CLEC9A: variants seen among roughly 807,000 people sequenced by gnomAD.
CLEC9A encodes the protein C-type lectin domain family 9 member A.
In CLEC9A, 24 loss-of-function variants were observed where a neutral mutation model predicts 30.0. That is an observed-to-expected ratio of 0.80 (90% CI 0.58 to 1.13). The LOEUF (loss-of-function observed/expected upper bound fraction) is 1.13, where lower values mean the gene tolerates loss of function less well. Ranked by LOEUF, CLEC9A falls within the 50% of genes most tolerant of loss-of-function variation. The pLI, the probability that CLEC9A is intolerant of heterozygous loss-of-function variation, is 0.00. For synonymous variants in CLEC9A, 111 were observed against 96.8 expected, an observed-to-expected ratio of 1.15 and a Z score of -0.86; for missense variants, 251 against 280.9, an observed-to-expected ratio of 0.89 and a Z score of 0.76.
Position 10,052,628 on chromosome 12 carries a change from A to G in CLEC9A, c.-58-2A>G. On this transcript the variant is annotated splice_acceptor_variant, in intron 3 of 8. Coordinates refer to ENST00000355819, the MANE Select transcript of CLEC9A (RefSeq NM_207345.4). LOFTEE classifies it low-confidence loss of function (5UTR_SPLICE). ...TTACACCAACCTGCTCCAAACCACAAGAGGAGTTACTTGTTCCAGCCTCCT... is the reference window on the plus strand; with the variant it reads ...TTACACCAACCTGCTCCAAACCACAGGAGGAGTTACTTGTTCCAGCCTCCT... 6.3e-7 allele frequency: 1 copy of G among 1,595,326 alleles called. No individual in the cohort carries two copies. The highest frequency in any genetic ancestry group is 8.5e-7 in the Non-Finnish European group (1 of 1,171,368).
intron 6 of CLEC9A, among the ~76,000 whole-genome samples, chr12:10,061,714 C>A (rs918978315): frequency 6.6e-6 from 1 of 152,126 alleles, no homozygotes; most frequent in African/African-American, 2.4e-5. Context: ...CCACAAAATT[C>A]TTTTACGATG....
rs1018728439 is a variant in CLEC9A at position 10,063,356 on chromosome 12, A to C, written c.471+150A>C. On this transcript the variant is annotated intron_variant, in intron 7 of 8. Transcript: ENST00000355819. ...AAGGTTTAAAAGAAACAAAGTTGGA[A>C]TCTGTATTTTTTGTTTTCTTTTTAA... 3 of 776,504 alleles carry C rather than the reference A, an allele frequency of 3.9e-6. No homozygotes were observed. In the African/African-American group the frequency reaches 5.5e-5, roughly 14 times the overall value. The allele number at this position is 776,504 out of a possible 1,614,324, so 48.1% of individuals were successfully genotyped here.
intron 2 of CLEC9A, among the ~76,000 whole-genome samples, chr12:10,048,653 T>G (rs1479999495): frequency 6.6e-6 from 1 of 152,236 alleles, no homozygotes; most frequent in Non-Finnish European, 1.5e-5. Flanking sequence ...AGGAAGCAGC[T>G]CCTCATCTGT....
At chr12:10,062,758 A>C (rs1866008443) in intron 6 of CLEC9A, among the ~76,000 whole-genome samples, 2 of 152,228 alleles carry the variant, frequency 1.3e-5, no homozygotes, top group African/African-American at 4.8e-5. Flanking sequence ...AATTCAAAGA[A>C]AGGAAAGATT....
At chr12:10,039,051 G>T (rs1460050695) in intron 1 of CLEC9A, among the ~76,000 whole-genome samples, 1 of 152,218 alleles carries the variant, frequency 6.6e-6, no homozygotes, top group Admixed American at 6.5e-5. Context: ...AGGGGCAGGG[G>T]CAGGGGTGAG....
chr12:10,060,882 G>C, intron 5 of CLEC9A: 1 of 362,702 alleles, frequency 2.8e-6, no homozygotes, highest in Non-Finnish European at 4.9e-6. Flanking sequence ...ATATAAATTG[G>C]TAAATCTGGT....
intron 1 of CLEC9A, among the ~76,000 whole-genome samples, chr12:10,035,365 G>C (rs560049046): frequency 5.9e-4 from 90 of 152,238 alleles, no homozygotes; most frequent in African/African-American, 2.1e-3. Context: ...CCAGGGATCC[G>C]CCTTTCTCTA....
In CLEC9A at chr12:10,061,179, A is replaced by G; in HGVS notation, c.225A>G (p.Gln75=). The G allele has an allele frequency of 6.2e-7, 1 of 1,613,528 alleles. No individual in the cohort carries two copies. Among genetic ancestry groups the G allele is most frequent in the Non-Finnish European group, 8.5e-7 (1 of 1,179,786 alleles). ...AGCAGCAAGAAAAACTCATCCAACA[A>G]GAGAGGGCACTGCTAAACTTTACAG... ...AMQQQEKLIQ[Q]ERALLNFTEW... The change falls in exon 6 of 9, where the codon CAA becomes CAG. Residue 75 remains glutamine, a synonymous_variant. Coordinates refer to ENST00000355819, the MANE Select transcript of CLEC9A (RefSeq NM_207345.4).
At chr12:10,065,446 A>G in intron 8 of CLEC9A, 54 bp from the exon 9 acceptor site, 1 of 1,605,200 alleles carries the variant, frequency 6.2e-7, no homozygotes, top group Non-Finnish European at 8.5e-7. Flanking sequence ...TACCCTCAGG[A>G]GCATTTCTGA....
intron 5 of CLEC9A, 110 bp downstream of exon 5, chr12:10,054,461 AAAT>A: frequency 1.4e-6 from 1 of 700,222 alleles, no homozygotes; most frequent in Non-Finnish European, 2.3e-6. Flanking sequence ...AAATGATATA[AAAT>A]AATGGCCTCA....
intron 2 of CLEC9A, among the ~76,000 whole-genome samples, chr12:10,042,378 A>C (rs944582892): frequency 2.0e-5 from 3 of 152,216 alleles, no homozygotes; most frequent in African/African-American, 4.8e-5. Context: ...CAAGAACCTC[A>C]AGTCACTTCC....
chr12:10,052,601 T>TCTTA, intron 3 of CLEC9A, 29 bp from the exon 4 acceptor site: 1 of 1,552,684 alleles, frequency 6.4e-7, no homozygotes, highest in Admixed American at 2.0e-5. Context: ...CAATTTCAGT[T>TCTTA]CTTACACCAA....
chr12:10,056,587 A>G (rs1865946134), intron 5 of CLEC9A, among the ~76,000 whole-genome samples: 1 of 152,180 alleles, frequency 6.6e-6, no homozygotes, highest in Non-Finnish European at 1.5e-5. Context: ...AAGAATGAAC[A>G]TTTTCTTGAA....
At chr12:10,046,316 G>C (rs574430850) in intron 2 of CLEC9A, among the ~76,000 whole-genome samples, 4 of 152,174 alleles carry the variant, frequency 2.6e-5, no homozygotes, top group African/African-American at 9.6e-5. Context: ...GAAACAGAGA[G>C]ACATTACACA....
intron 1 of CLEC9A, among the ~76,000 whole-genome samples, chr12:10,039,510 C>T (rs934450945): frequency 6.6e-6 from 1 of 152,180 alleles, no homozygotes; most frequent in Non-Finnish European, 1.5e-5. Flanking sequence ...GTCCCTCTTC[C>T]TATCTTGCAT....
At chr12:10,054,443 A>G (rs997384620) in intron 5 of CLEC9A, 92 bp downstream of exon 5, 2 of 784,782 alleles carry the variant, frequency 2.5e-6, no homozygotes, top group Non-Finnish European at 4.0e-6. Flanking sequence ...TCATATGTGA[A>G]TGCACATAAA....
intron 5 of CLEC9A, among the ~76,000 whole-genome samples, chr12:10,054,872 G>C (rs1865926139): frequency 6.6e-6 from 1 of 152,126 alleles, no homozygotes; most frequent in Admixed American, 6.5e-5. Flanking sequence ...TAATTACAGA[G>C]CTTCAGATTC....
At chr12:10,039,335 TC>T (rs1285207904) in intron 1 of CLEC9A, among the ~76,000 whole-genome samples, 9 of 152,318 alleles carry the variant, frequency 5.9e-5, no homozygotes, top group African/African-American at 1.9e-4. Context: ...TATCCAATTG[TC>T]CTATACATAG....
At chr12:10,049,407 T>C (rs1051182235) in intron 2 of CLEC9A, among the ~76,000 whole-genome samples, 11 of 152,240 alleles carry the variant, frequency 7.2e-5, no homozygotes, top group Non-Finnish European at 1.5e-4. Context: ...AAGCCTGCCA[T>C]TGACTTTTCC....
Sources: gnomAD v4.1 joint callset for allele counts (sites outside exome capture counted in the v4.1 genomes callset) on GRCh38, gnomAD v4.1.1 for gene constraint, MANE v1.5 for transcripts, NCBI Gene and HGNC (gene_info 2026-07-23, HGNC 2026-07-21) for gene names.